The following HLA-DPB1 variants were observed in gnomAD, a reference collection of about 807,000 sequenced individuals.
The protein encoded by HLA-DPB1 is major histocompatibility complex, class II, DP beta 1.
In HLA-DPB1, 30 loss-of-function variants were observed where a neutral mutation model predicts 29.4. The ratio of observed to expected loss-of-function variants is 1.02; its 90% CI spans 0.76 to 1.38. The LOEUF (loss-of-function observed/expected upper bound fraction) is 1.38. HLA-DPB1 is among the 40% of genes most tolerant of loss of function. The pLI is 0.00. For synonymous variants in HLA-DPB1, 114 were observed against 134.0 expected, an observed-to-expected ratio of 0.85 and a Z score of 1.03; for missense variants, 261 against 327.5, an observed-to-expected ratio of 0.80 and a Z score of 1.57.
In HLA-DPB1 at chr6:33,080,578, A is replaced by G; in HGVS notation, c.101-94A>G. The G allele has an allele frequency of 6.4e-7, 1 of 1,569,764 alleles. No homozygotes were observed. The highest frequency in any genetic ancestry group is 8.7e-7 in the Non-Finnish European group (1 of 1,143,294). On this transcript the variant is annotated intron_variant, in intron 1 of 5. Transcript: ENST00000418931. The surrounding 1 kb of genome is among the most constrained non-coding windows in gnomAD (Gnocchi z 4.3). ...TTTTAAAATCCAGCCCTGGGTGGGA[A>G]GATTTGGGAAGAATCGTTAATATTG...
rs776345909 is a variant in HLA-DPB1 at position 33,085,868 on chromosome 6, A to G, written c.736A>G (p.Met246Val). 2 of 1,612,878 alleles carry G rather than the reference A, an allele frequency of 1.2e-6. No individual in the cohort carries two copies. Among genetic ancestry groups the G allele is most frequent in the African/African-American group, 2.7e-5 (2 of 74,866 alleles). ...CATCATCTGTGGAGTGGGCATCTTC[A>G]TGCACAGGAGGAGCAAGAAAGGTGA... is the stretch of plus-strand genomic sequence containing the variant. ...GLIICGVGIFMHRRSKKVQRG... is the reference protein window; with the variant it reads ...GLIICGVGIFVHRRSKKVQRG... Residue 246 changes from methionine to valine, a missense_variant, in exon 4 of 6, where the codon ATG becomes GTG. Met to Val is a conservative substitution (Grantham distance 21). Coordinates refer to ENST00000418931, the MANE Select transcript of HLA-DPB1 (RefSeq NM_002121.6).
At chr6:33,079,924 A>T in intron 1 of HLA-DPB1, 2 of 265,764 alleles carry the variant, frequency 7.5e-6, no homozygotes, top group Non-Finnish European at 1.5e-5. Flanking sequence ...AAATTACATC[A>T]ATGCCTCTAA....
Position 33,076,011 on chromosome 6 carries a change from T to G in HLA-DPB1, c.-31T>G, listed in dbSNP as rs765608440. On this transcript the variant is annotated 5_prime_UTR_variant, in exon 1 of 6. Coordinates refer to ENST00000418931, the MANE Select transcript of HLA-DPB1 (RefSeq NM_002121.6). ...GAGTCCTTCTTTTCCTGACTGCAGC[T>G]CTTTTCATTTTGCCATCCTTTTCCA... is the stretch of plus-strand genomic sequence containing the variant. 2.6e-6 allele frequency: 4 copies of G among 1,546,256 alleles called. No individual in the cohort carries two copies. The South Asian group carries it at 3.4e-5, about 13-fold the overall frequency.
chr6:33,080,683 T>C lies in HLA-DPB1; in HGVS notation c.112T>C (p.Phe38Leu), dbSNP rs12722013. The C allele has an allele frequency of 0.057, 92,569 of 1,611,016 alleles. 3,455 individuals carry two copies. The highest frequency in any genetic ancestry group is 0.13 in the South Asian group (11,737 of 90,938). ...CCCCCTCCCCGCAGAGAATTACCTT[T>C]TCCAGGGACGGCAGGAATGCTACGC... ...QGRATPENYL[F>L]QGRQECYAFN... The change falls in exon 2 of 6, where the codon TTC (phenylalanine) becomes CTC (leucine). Residue 38 changes from phenylalanine (F) to leucine (L), a missense_variant. Physicochemically the swap from Phe to Leu is conservative, Grantham distance 22 (BLOSUM62 0). Transcript: ENST00000418931. This position sits in a 1 kb window ranked among gnomAD's most constrained non-coding sequence, Gnocchi z 4.3.
At chr6:33,084,881 G>T in intron 2 of HLA-DPB1, 69 bp from the exon 3 acceptor site, 1 of 600,494 alleles carries the variant, frequency 1.7e-6, no homozygotes, top group Non-Finnish European at 2.3e-6. Flanking sequence ...AGGAAGGAAG[G>T]AAGGAAGGAA....
At chr6:33,078,846 C>A (rs1229478235) in intron 1 of HLA-DPB1, among the ~76,000 whole-genome samples, 1 of 152,066 alleles carries the variant, frequency 6.6e-6, no homozygotes, top group African/African-American at 2.4e-5. Context: ...CAAAGACTAA[C>A]AAATGAAAAT....
In HLA-DPB1 at chr6:33,076,923, T is replaced by TA. The variant is rs1273909187; in HGVS notation, c.100+782_100+783insA. ...TCAGGATACTCTCAGGATATTTCTTTTTATATATATATATACTTTAAGTTC... is the reference window on the plus strand; with the variant it reads ...TCAGGATACTCTCAGGATATTTCTTTATTATATATATATATACTTTAAGTTC... On this transcript the variant is annotated intron_variant, in intron 1 of 5. Coordinates refer to ENST00000418931, the MANE Select transcript of HLA-DPB1 (RefSeq NM_002121.6). Among the ~76,000 whole-genome samples, 325 of 152,220 alleles carry TA rather than the reference T, an allele frequency of 2.1e-3. 1 individual carries two copies. Among genetic ancestry groups the TA allele is most frequent in the African/African-American group, 7.3e-3 (304 of 41,532 alleles).
At chr6:33,081,716 G>A (rs1762875861) in intron 2 of HLA-DPB1, among the ~76,000 whole-genome samples, 1 of 152,166 alleles carries the variant, frequency 6.6e-6, no homozygotes, top group Non-Finnish European at 1.5e-5. Context: ...GCTGAGTGTG[G>A]CGCATCCTCC....
At position 33,087,641 on chromosome 6, in the gene HLA-DPB1, C is replaced by G. The variant is rs1402004085; in HGVS notation, c.*1107C>G. On this transcript the variant is annotated 3_prime_UTR_variant, in exon 6 of 6. Transcript: ENST00000418931. ...CTTCTGGGCCTTGTGTGTCCCTGGG[C>G]ACCTGTCCCTGGTCAATTCCCGAAA... Among the ~76,000 whole-genome samples the G allele has an allele frequency of 6.6e-6, 1 of 152,180 alleles. No individual in the cohort carries two copies. Among genetic ancestry groups the G allele is most frequent in the African/African-American group, 2.4e-5 (1 of 41,420 alleles).
intron 1 of HLA-DPB1, among the ~76,000 whole-genome samples, chr6:33,078,633 A>C (rs1252000654): frequency 2.0e-5 from 3 of 152,252 alleles, no homozygotes; most frequent in Non-Finnish European, 4.4e-5. Flanking sequence ...ATACAAAAAA[A>C]AATGAAGGTT....
chr6:33,084,849 AAAGGAAGGAAGGAAGGAAGG>A lies in HLA-DPB1; in HGVS notation c.365-70_365-51del, dbSNP rs150519959. 1,104 of 662,620 alleles carry A rather than the reference AAAGGAAGGAAGGAAGGAAGG, an allele frequency of 1.7e-3. 157 individuals are homozygous for A. The highest frequency in any genetic ancestry group is 0.016 in the African/African-American group (391 of 24,150). The allele number at this position is 662,620 out of a possible 1,614,324, so 41.0% of individuals were successfully genotyped here. Reference sequence around the variant, plus strand: ...AAAGAGCGAGATTATGTCTCAAAAAAAAGGAAGGAAGGAAGGAAGGAAGGAAGGAAGGAAGGAAGGAAGGA... The same window carrying A: ...AAAGAGCGAGATTATGTCTCAAAAAAAAGGAAGGAAGGAAGGAAGGAAGGA... On this transcript the variant is annotated intron_variant, in intron 2 of 5. Coordinates refer to ENST00000418931, the MANE Select transcript of HLA-DPB1 (RefSeq NM_002121.6).
rs2567283 is a variant in HLA-DPB1, at chr6:33,080,478, G to A, written c.101-194G>A. The A allele has an allele frequency of 5.0e-3, 3,884 of 773,684 alleles. 113 individuals carry two copies. The African/African-American group carries it at 0.06, about 12-fold the overall frequency. The allele number at this position is 773,684 out of a possible 1,614,324, so 47.9% of individuals were successfully genotyped here. On this transcript the variant is annotated intron_variant, in intron 1 of 5. Coordinates refer to ENST00000418931, the MANE Select transcript of HLA-DPB1 (RefSeq NM_002121.6). The surrounding 1 kb of genome is among the most constrained non-coding windows in gnomAD (Gnocchi z 4.3). ...TCTTTTCAGTAAATTCTCTCTCTGC[G>A]TGGTGAGAAAACAGGCCTGGAGAGG...
intron 1 of HLA-DPB1, among the ~76,000 whole-genome samples, chr6:33,077,777 C>T (rs1331053885): frequency 6.6e-6 from 1 of 152,104 alleles, no homozygotes; most frequent in East Asian, 1.9e-4. Context: ...CTAGGACACA[C>T]CTAGAAGGTA....
Position 33,080,624 on chromosome 6 carries a change from G to A in HLA-DPB1, c.101-48G>A. The stretch of plus-strand genomic sequence containing the variant: ...TATTGAGAGAGAGAGGGAGAAAGAG[G>A]ATTAGATGAGAGTGGCGCCTCCGCT... On this transcript the variant is annotated intron_variant, in intron 1 of 5. Transcript: ENST00000418931. The surrounding 1 kb of genome is among the most constrained non-coding windows in gnomAD (Gnocchi z 4.3). 1 of 1,609,268 alleles carries A rather than the reference G, an allele frequency of 6.2e-7. No individual in the cohort carries two copies. The highest frequency in any genetic ancestry group is 1.3e-5 in the African/African-American group (1 of 74,846).
At chr6:33,082,894 A>C (rs3097673) in intron 2 of HLA-DPB1, among the ~76,000 whole-genome samples, 57,045 of 152,012 alleles carry the variant, frequency 0.38, 12,167 homozygotes, top group East Asian at 0.63. Flanking sequence ...ACTCCAGCGC[A>C]CCCTGGAGGT....
chr6:33,085,408 C>T (rs1230668777), intron 3 of HLA-DPB1, among the ~76,000 whole-genome samples, 177 bp downstream of exon 3: 1 of 152,194 alleles, frequency 6.6e-6, no homozygotes, highest in African/African-American at 2.4e-5. Flanking sequence ...ACTTCCTGAC[C>T]TTGGCTTAGG....
chr6:33,082,742 T>A (rs145691980), intron 2 of HLA-DPB1, among the ~76,000 whole-genome samples: 8 of 152,160 alleles, frequency 5.3e-5, no homozygotes, highest in Non-Finnish European at 1.0e-4. Context: ...AATTCCAGGG[T>A]GGATGTCCAC....
rs566678973 is a variant in HLA-DPB1 at position 33,085,075 on chromosome 6, G to T, written c.490G>T (p.Glu164Ter). Reference sequence around the variant, plus strand: ...AGTCCGATGGTTCCTGAATGGACAGGAGGAAACAGCTGGGGTCGTGTCCAC... The same window carrying T: ...AGTCCGATGGTTCCTGAATGGACAGTAGGAAACAGCTGGGGTCGTGTCCAC... ...IQVRWFLNGQ[E>*]ETAGVVSTNL... Residue 164 changes from glutamate (E) to a stop codon, truncating the protein, a stop_gained, in exon 3 of 6, where the codon GAG (glutamate) becomes TAG (stop). Coordinates refer to ENST00000418931, the MANE Select transcript of HLA-DPB1 (RefSeq NM_002121.6). LOFTEE classifies it high-confidence loss of function. 27 of 1,613,880 alleles carry T rather than the reference G, an allele frequency of 1.7e-5. No homozygotes were observed. In the East Asian group the frequency reaches 6.0e-4, roughly 36 times the overall value.
chr6:33,077,922 T>C (rs56934772), intron 1 of HLA-DPB1, among the ~76,000 whole-genome samples: 15,379 of 152,158 alleles, frequency 0.1, 1,529 homozygotes, highest in African/African-American at 0.25. Context: ...CTTGAACTTG[T>C]AGTCACAGAA....
Sources: allele counts gnomAD v4.1 joint callset (sites outside exome capture counted in the v4.1 genomes callset), GRCh38; gene constraint gnomAD v4.1.1; non-coding constraint Gnocchi (gnomAD v3.1); transcripts MANE v1.5; gene names NCBI Gene and HGNC (gene_info 2026-07-23, HGNC 2026-07-21).